Variants in MSX1 observed in about 807,000 individuals in gnomAD.
MSX1 encodes the protein homeobox protein MSX-1.
Under a neutral mutation model 17.0 loss-of-function variants are expected in MSX1, and 11 were observed. The observed-to-expected ratio is 0.65, with a 90% CI of 0.41 to 1.07. MSX1 has a LOEUF of 1.07. MSX1 is among the 50% of genes least tolerant of loss of function. The pLI is 0.00. For synonymous variants in MSX1, 253 were observed against 211.8 expected, an observed-to-expected ratio of 1.19 and a Z score of -1.69; for missense variants, 477 against 440.1, an observed-to-expected ratio of 1.08 and a Z score of -0.75.
intron 1 of MSX1, among the ~76,000 whole-genome samples, chr4:4,861,554 G>A (rs912769347): frequency 6.6e-6 from 1 of 152,236 alleles, no homozygotes; most frequent in South Asian, 2.1e-4. Flanking sequence ...GGCAAAACCC[G>A]CGTGGTGAAA....
In MSX1 at chr4:4,859,987, G is replaced by A. The variant is rs1208866578; in HGVS notation, c.88G>A (p.Gly30Ser). 6.0e-6 allele frequency: 9 copies of A among 1,492,624 alleles called. No individual in the cohort carries two copies. The highest frequency in any genetic ancestry group is 2.8e-5 in the East Asian group (1 of 35,622). The allele number at this position is 1,492,624 out of a possible 1,614,324, so 92.5% of individuals were successfully genotyped here. The change falls in exon 1 of 2, where the codon GGC becomes AGC. Residue 30 changes from glycine to serine, a missense_variant. Physicochemically the swap from Gly to Ser is moderately conservative, Grantham distance 56. Transcript: ENST00000382723. The stretch of plus-strand genomic sequence containing the variant: ...CGGCAAGCCGGCGGGGGGAGGCGCG[G>A]GCCAGGCCCCCAGCGCCGCCGCGGC... ...AFGKPAGGGAGQAPSAAAATA... is the reference protein window; with the variant it reads ...AFGKPAGGGASQAPSAAAATA...
chr4:4,861,752 C>A (rs1737921060), intron 1 of MSX1, among the ~76,000 whole-genome samples: 1 of 152,226 alleles, frequency 6.6e-6, no homozygotes, highest in Non-Finnish European at 1.5e-5. Context: ...TGCACTAGTC[C>A]TGCGCTCTGA....
intron 1 of MSX1, chr4:4,862,494 A>T: frequency 1.4e-6 from 1 of 732,408 alleles, no homozygotes; most frequent in Non-Finnish European, 2.4e-6. Flanking sequence ...CTTCATTTGC[A>T]AAAAGTAGAC....
intron 1 of MSX1, among the ~76,000 whole-genome samples, chr4:4,861,431 C>A (rs554221410): frequency 6.6e-6 from 1 of 152,264 alleles, no homozygotes; most frequent in Non-Finnish European, 1.5e-5. Flanking sequence ...TCGTTTGACT[C>A]ACATCCTGGT....
Position 4,862,715 on chromosome 4 carries a change from C to T in MSX1, c.484C>T (p.Pro162Ser). 6.2e-7 allele frequency: 1 copy of T among 1,613,022 alleles called. No homozygotes were observed. Among genetic ancestry groups the T allele is most frequent in the Non-Finnish European group, 8.5e-7 (1 of 1,180,018 alleles). Reference sequence around the variant, plus strand: ...TCGGCCCTCAGGGCGGCTGAGCCCCCCAGCCTGCACCCTCCGCAAACACAA... The same window carrying T: ...TCGGCCCTCAGGGCGGCTGAGCCCCTCAGCCTGCACCCTCCGCAAACACAA... ...SPPPARRLSP[P>S]ACTLRKHKTN... Residue 162 changes from proline (P) to serine (S), a missense_variant, in exon 2 of 2, where the codon CCA (proline) becomes TCA (serine). Coordinates refer to ENST00000382723, the MANE Select transcript of MSX1 (RefSeq NM_002448.3).
At chr4:4,861,631 C>T (rs895163461) in intron 1 of MSX1, among the ~76,000 whole-genome samples, 1 of 152,226 alleles carries the variant, frequency 6.6e-6, no homozygotes, top group African/African-American at 2.4e-5. Flanking sequence ...CTTTCCAACG[C>T]TTAGGGCCTT....
chr4:4,862,525 G>A (rs1420813733), intron 1 of MSX1, 176 bp from the exon 2 acceptor site: 3 of 811,200 alleles, frequency 3.7e-6, no homozygotes, highest in East Asian at 2.5e-5. Context: ...CCCCTGCGGG[G>A]TTGCAATGGG....
At position 4,862,140 on chromosome 4, in the gene MSX1, G is replaced by T. The variant is rs527951657; in HGVS notation, c.470-561G>T. Among the ~76,000 whole-genome samples, 4 of 152,352 alleles carry T rather than the reference G, an allele frequency of 2.6e-5. No individual in the cohort carries two copies. In the East Asian group the frequency reaches 7.7e-4, roughly 29 times the overall value. On this transcript the variant is annotated intron_variant, in intron 1 of 1. Coordinates refer to ENST00000382723, the MANE Select transcript of MSX1 (RefSeq NM_002448.3). ...CTGCGGGAACTACTCCTAGAATCCC[G>T]TAGGAGCGAAGTGTTCCGGGGAAAG...
Position 4,862,855 on chromosome 4 carries a change from G to A in MSX1, c.624G>A (p.Ser208=), listed in dbSNP as rs369820958. 2 of 1,613,806 alleles carry A rather than the reference G, an allele frequency of 1.2e-6. No individual in the cohort carries two copies. Among genetic ancestry groups the A allele is most frequent in the Non-Finnish European group, 1.7e-6 (2 of 1,180,014 alleles). The change falls in exon 2 of 2, where the codon TCG becomes TCA. Residue 208 remains serine (S), a synonymous_variant. Coordinates refer to ENST00000382723, the MANE Select transcript of MSX1 (RefSeq NM_002448.3). The part of the protein sequence containing the change: ...SIAERAEFSS[S]LSLTETQVKI... Reference sequence around the variant, plus strand: ...CCGAGCGCGCGGAGTTCTCCAGCTCGCTCAGCCTCACTGAGACGCAGGTGA... The same window carrying A: ...CCGAGCGCGCGGAGTTCTCCAGCTCACTCAGCCTCACTGAGACGCAGGTGA...
chr4:4,862,560 G>T (rs1278590377), intron 1 of MSX1, 141 bp from the exon 2 acceptor site: 1 of 973,694 alleles, frequency 1.0e-6, no homozygotes, highest in Admixed American at 1.7e-5. Flanking sequence ...TATTTCAAGT[G>T]CCTTGCGCGA....
At chr4:4,861,341 G>T (rs1269539023) in intron 1 of MSX1, among the ~76,000 whole-genome samples, 2 of 152,242 alleles carry the variant, frequency 1.3e-5, no homozygotes, top group Non-Finnish European at 2.9e-5. Context: ...CGGCCCGGCG[G>T]AAAGCTAGTT....
Position 4,860,267 on chromosome 4 carries a change from T to A in MSX1, c.368T>A (p.Leu123His). Reference sequence around the variant, plus strand: ...CTCGGCCATTTCTCGGTGGGGGGACTCCTCAAGCTGCCAGAAGATGCGCTC... The same window carrying A: ...CTCGGCCATTTCTCGGTGGGGGGACACCTCAAGCTGCCAGAAGATGCGCTC... ...RPLGHFSVGG[L>H]LKLPEDALVK... Residue 123 changes from leucine to histidine, a missense_variant, in exon 1 of 2, where the codon CTC becomes CAC. Around this residue, in one of 3 missense-constraint regions of MSX1, gnomAD observed 355 missense variants for 306.1 expected, o/e 1.16. Coordinates refer to ENST00000382723, the MANE Select transcript of MSX1 (RefSeq NM_002448.3). 1 of 1,596,066 alleles carries A rather than the reference T, an allele frequency of 6.3e-7. No individual in the cohort carries two copies. Among genetic ancestry groups the A allele is most frequent in the South Asian group, 1.1e-5 (1 of 90,452 alleles).
In MSX1 at chr4:4,863,105, A is replaced by G. The variant is rs1435298307; in HGVS notation, c.874A>G (p.Thr292Ala). ...GCCTGTGGCGCCCGTGGGACTCTAC[A>G]CGGCCCATGTGGGCTACAGCATGTA... ...ALPVAPVGLY[T>A]AHVGYSMYHL... The change falls in exon 2 of 2, where the codon ACG becomes GCG. Residue 292 changes from threonine to alanine, a missense_variant. Thr to Ala is a moderately conservative substitution (Grantham distance 58). Around this residue, in one of 3 missense-constraint regions of MSX1, gnomAD observed 114 missense variants for 106.3 expected, o/e 1.07. Transcript: ENST00000382723. 3 of 1,609,538 alleles carry G rather than the reference A, an allele frequency of 1.9e-6. No homozygotes were observed. In the East Asian group the frequency reaches 6.7e-5, roughly 36 times the overall value.
At chr4:4,862,553 T>C in intron 1 of MSX1, 148 bp from the exon 2 acceptor site, 1 of 950,412 alleles carries the variant, frequency 1.1e-6, no homozygotes, top group South Asian at 1.3e-5. Flanking sequence ...GAAAATATAT[T>C]TCAAGTGCCT....
intron 1 of MSX1, among the ~76,000 whole-genome samples, chr4:4,861,236 G>A (rs1283295451): frequency 6.6e-6 from 1 of 152,256 alleles, no homozygotes; most frequent in African/African-American, 2.4e-5. Context: ...TGAAAGGCCA[G>A]TCCCTCCCTA....
chr4:4,863,885 C>T lies in MSX1; in HGVS notation c.*742C>T, dbSNP rs1737991864. ...TACTGTATATTTGAAATTTTATTATCATTTATATTATAGCTATATTTGTTA... is the reference window on the plus strand; with the variant it reads ...TACTGTATATTTGAAATTTTATTATTATTTATATTATAGCTATATTTGTTA... On this transcript the variant is annotated 3_prime_UTR_variant, in exon 2 of 2. Coordinates refer to ENST00000382723, the MANE Select transcript of MSX1 (RefSeq NM_002448.3). 6.6e-6 allele frequency: 1 copy of T among 152,034 alleles called. No individual in the cohort carries two copies. The highest frequency in any genetic ancestry group is 1.5e-5 in the Non-Finnish European group (1 of 67,936). The allele number at this position is 152,034 out of a possible 1,614,324, so 9.4% of individuals were successfully genotyped here.
At position 4,859,883 on chromosome 4, in the gene MSX1, G is replaced by T. The variant is rs564888599; in HGVS notation, c.-17G>T. 3.5e-5 allele frequency: 52 copies of T among 1,475,822 alleles called. No homozygotes were observed. The highest frequency in any genetic ancestry group is 3.4e-4 in the Admixed American group (14 of 41,476). The allele number at this position is 1,475,822 out of a possible 1,614,324, so 91.4% of individuals were successfully genotyped here. On this transcript the variant is annotated 5_prime_UTR_variant, in exon 1 of 2. Transcript: ENST00000382723. ...CGGCTGGCCAGTGCTGCGGCAGAAGGGGGGGCCCGGCTCTGCATGGCCCCG... is the reference window on the plus strand; with the variant it reads ...CGGCTGGCCAGTGCTGCGGCAGAAGTGGGGGCCCGGCTCTGCATGGCCCCG...
chr4:4,860,428 G>A lies in MSX1; in HGVS notation c.469+60G>A, dbSNP rs1250006732. ...GCCGGGTGGGGGCCGGGTGGGGTGT[G>A]GGACCCGAGGGCTCCTGGTGGCCTC... On this transcript the variant is annotated intron_variant, in intron 1 of 1. Coordinates refer to ENST00000382723, the MANE Select transcript of MSX1 (RefSeq NM_002448.3). The A allele has an allele frequency of 5.8e-6, 9 of 1,541,474 alleles. No homozygotes were observed. The Admixed American group carries it at 1.3e-4, about 22-fold the overall frequency.
At chr4:4,861,132 T>C (rs1257296028) in intron 1 of MSX1, among the ~76,000 whole-genome samples, 11 of 152,272 alleles carry the variant, frequency 7.2e-5, no homozygotes. Flanking sequence ...CAAGTTTTCC[T>C]CGTTTCCTCC....
Sources: allele counts gnomAD v4.1 joint callset (sites outside exome capture counted in the v4.1 genomes callset), GRCh38; gene constraint gnomAD v4.1.1; regional missense constraint gnomAD v4.1.1; transcripts MANE v1.5; gene names NCBI Gene and HGNC (gene_info 2026-07-23, HGNC 2026-07-21).